The following SH3GL2 variants were observed in gnomAD, a reference collection of about 807,000 sequenced individuals.
SH3GL2 encodes the protein endophilin-A1.
SH3GL2 carries 24 observed loss-of-function variants against 46.0 expected under a neutral mutation model. That is an observed-to-expected ratio of 0.52 (90% CI 0.38 to 0.73). The LOEUF is 0.73. SH3GL2 is among the 30% of genes least tolerant of loss of function. SH3GL2 has a pLI of 0.00. For missense variants in SH3GL2, 413 were observed against 424.2 expected (o/e 0.97, Z 0.23); for synonymous variants, 196 against 147.1 (o/e 1.33, Z -2.40).
chr9:17,586,732 C>T (rs951529688), intron 1 of SH3GL2, among the ~76,000 whole-genome samples: 3 of 152,134 alleles, frequency 2.0e-5, no homozygotes, highest in Non-Finnish European at 2.9e-5. Context: ...CTCACTATCA[C>T]GAGAACAGTG....
chr9:17,637,938 C>T (rs558982147), intron 1 of SH3GL2, among the ~76,000 whole-genome samples: 21 of 152,198 alleles, frequency 1.4e-4, no homozygotes, highest in African/African-American at 3.9e-4. Flanking sequence ...GGGCGGATCA[C>T]GAGGTCAGGA....
At chr9:17,605,644 A>G (rs1818748253) in intron 1 of SH3GL2, among the ~76,000 whole-genome samples, 1 of 152,116 alleles carries the variant, frequency 6.6e-6, no homozygotes, top group African/African-American at 2.4e-5. Flanking sequence ...CAACATTGCA[A>G]CTGTATTGTG....
At chr9:17,728,231 G>A (rs571123115) in intron 1 of SH3GL2, among the ~76,000 whole-genome samples, 6 of 151,840 alleles carry the variant, frequency 4.0e-5, no homozygotes, top group Non-Finnish European at 7.4e-5. Context: ...TTTCTACCTT[G>A]GCACATTCAT....
intron 1 of SH3GL2, among the ~76,000 whole-genome samples, chr9:17,616,312 C>T (rs1365255382): frequency 6.6e-6 from 1 of 152,122 alleles, no homozygotes; most frequent in Non-Finnish European, 1.5e-5. Context: ...AACCCATTTT[C>T]CAGAAGTTAG....
At chr9:17,612,997 C>T (rs766126139) in intron 1 of SH3GL2, among the ~76,000 whole-genome samples, 1 of 152,080 alleles carries the variant, frequency 6.6e-6, no homozygotes, top group African/African-American at 2.4e-5. Flanking sequence ...CATCTTGTAG[C>T]GTGTATCAAT....
intron 1 of SH3GL2, among the ~76,000 whole-genome samples, chr9:17,710,256 C>T (rs945124463): frequency 6.6e-6 from 1 of 151,982 alleles, no homozygotes; most frequent in Non-Finnish European, 1.5e-5. Flanking sequence ...GATGTGTTTG[C>T]ATCCCTTTCT....
chr9:17,681,919 G>C (rs554596903), intron 1 of SH3GL2, among the ~76,000 whole-genome samples: 1 of 152,022 alleles, frequency 6.6e-6, no homozygotes, highest in African/African-American at 2.4e-5. Context: ...AAGAAGACAT[G>C]TGGCCAACAA....
At position 17,786,325 on chromosome 9, in the gene SH3GL2, T is replaced by C; in HGVS notation, c.188-56T>C. On this transcript the variant is annotated intron_variant, in intron 3 of 8. Transcript: ENST00000380607. ...TGAGACCTGATCCTCCATCCAGCCC[T>C]ATTTCCGCAGTGTCACATTGCCTAC... 3.9e-6 allele frequency: 6 copies of C among 1,543,694 alleles called. No homozygotes were observed. The South Asian group carries it at 7.2e-5, about 19-fold the overall frequency.
At chr9:17,774,053 A>T (rs944424140) in intron 3 of SH3GL2, among the ~76,000 whole-genome samples, 2 of 151,910 alleles carry the variant, frequency 1.3e-5, no homozygotes, top group African/African-American at 4.8e-5. Flanking sequence ...ATTCTTTTTG[A>T]TACTATTGTA....
At chr9:17,684,752 AG>A (rs1162706767) in intron 1 of SH3GL2, among the ~76,000 whole-genome samples, 1 of 152,164 alleles carries the variant, frequency 6.6e-6, no homozygotes, top group Admixed American at 6.6e-5. Context: ...GATGAGTCAA[AG>A]CAGACTTCTC....
intron 3 of SH3GL2, among the ~76,000 whole-genome samples, chr9:17,766,216 G>C (rs959113): frequency 6.6e-4 from 101 of 152,320 alleles, no homozygotes; most frequent in African/African-American, 2.2e-3. Context: ...GTGGAAGTGT[G>C]AGCGGGATCA....
chr9:17,774,891 C>G (rs1823597569), intron 3 of SH3GL2, among the ~76,000 whole-genome samples: 1 of 149,630 alleles, frequency 6.7e-6, no homozygotes, highest in African/African-American at 2.4e-5. Context: ...GTAGAAGTCA[C>G]TGGTGAAGCC....
intron 1 of SH3GL2, among the ~76,000 whole-genome samples, chr9:17,613,637 G>T (rs1052667962): frequency 6.6e-6 from 1 of 152,260 alleles, no homozygotes; most frequent in South Asian, 2.1e-4. Flanking sequence ...ACCTTGTGTG[G>T]AATGCCTTAC....
Position 17,635,623 on chromosome 9 carries a change from C to G in SH3GL2, c.45+56336C>G, listed in dbSNP as rs185490279. Reference sequence around the variant, plus strand: ...GGGTTCGGGATGCACTGTTCTTGACCTCACAGAGCATTTATTTAAGCTGAA... The same window carrying G: ...GGGTTCGGGATGCACTGTTCTTGACGTCACAGAGCATTTATTTAAGCTGAA... On this transcript the variant is annotated intron_variant, in intron 1 of 8. Transcript: ENST00000380607. 1.8e-4 allele frequency among the ~76,000 whole-genome samples: 27 copies of G among 152,274 alleles called. 1 individual carries two copies. The highest frequency in any genetic ancestry group is 5.1e-4 in the African/African-American group (21 of 41,564).
intron 1 of SH3GL2, among the ~76,000 whole-genome samples, chr9:17,711,761 A>G (rs1252580840): frequency 6.6e-6 from 1 of 151,842 alleles, no homozygotes; most frequent in Non-Finnish European, 1.5e-5. Flanking sequence ...TTATAAATAA[A>G]CCTGCTATGA....
At position 17,677,779 on chromosome 9, in the gene SH3GL2, C is replaced by G. The variant is rs553857056; in HGVS notation, c.46-69287C>G. 2.6e-5 allele frequency among the ~76,000 whole-genome samples: 4 copies of G among 152,034 alleles called. No individual in the cohort carries two copies. In the South Asian group the frequency reaches 8.3e-4, roughly 32 times the overall value. On this transcript the variant is annotated intron_variant, in intron 1 of 8. Transcript: ENST00000380607. ...TATCTCCTAATGCTATCCCTCCTACCTCCCCCCACCCCACAACAGGCCCCC... is the reference window on the plus strand; with the variant it reads ...TATCTCCTAATGCTATCCCTCCTACGTCCCCCCACCCCACAACAGGCCCCC...
At chr9:17,666,726 G>GTA (rs1415647305) in intron 1 of SH3GL2, among the ~76,000 whole-genome samples, 1 of 151,984 alleles carries the variant, frequency 6.6e-6, no homozygotes, top group Non-Finnish European at 1.5e-5. Flanking sequence ...ATAACCTAGT[G>GTA]TATATATATG....
chr9:17,645,352 G>A (rs1016796610), intron 1 of SH3GL2, among the ~76,000 whole-genome samples: 1 of 151,392 alleles, frequency 6.6e-6, no homozygotes, highest in Non-Finnish European at 1.5e-5. Flanking sequence ...CTTTTAATTG[G>A]GGCATTTATC....
At position 17,793,415 on chromosome 9, in the gene SH3GL2, A is replaced by G. The variant is rs1824190318; in HGVS notation, c.777A>G (p.Pro259=). 5.6e-6 allele frequency: 9 copies of G among 1,612,560 alleles called. No homozygotes were observed. Among genetic ancestry groups the G allele is most frequent in the South Asian group, 1.1e-5 (1 of 90,816 alleles). The change falls in exon 8 of 9, where the codon CCA becomes CCG. Residue 259 remains proline (P), a synonymous_variant. Transcript: ENST00000380607. ...CTAGAAGGGAATATCAACCTAAACC[A>G]CGAATGAGCCTGGAGTTTCCAACTG... ...SQPRREYQPK[P]RMSLEFPTGD...
Sources: allele counts gnomAD v4.1 joint callset (sites outside exome capture counted in the v4.1 genomes callset), GRCh38; gene constraint gnomAD v4.1.1; transcripts MANE v1.5; gene names NCBI Gene and HGNC (gene_info 2026-07-23, HGNC 2026-07-21).